Variants in TNFRSF11A observed in about 807,000 individuals in gnomAD.
The protein encoded by TNFRSF11A is tumor necrosis factor receptor superfamily member 11A.
A neutral mutation model predicts 55.7 loss-of-function variants in TNFRSF11A; 32 were observed. The ratio of observed to expected loss-of-function variants is 0.57; its 90% confidence interval spans 0.43 to 0.77. TNFRSF11A has a LOEUF of 0.77. Among genes scored for constraint, TNFRSF11A ranks in the 30% least tolerant of loss-of-function variants. TNFRSF11A has a pLI of 0.00. For missense variants in TNFRSF11A, 753 were observed against 809.8 expected (o/e 0.93, Z 0.85); for synonymous variants, 311 against 331.0 (o/e 0.94, Z 0.65).
At chr18:62,360,162 A>G (rs1909571117) in intron 6 of TNFRSF11A, 113 bp downstream of exon 6, 1 of 751,252 alleles carries the variant, frequency 1.3e-6, no homozygotes, top group Non-Finnish European at 2.4e-6. Context: ...CCTTTATTTC[A>G]TCCCGTGCAT....
In TNFRSF11A at chr18:62,349,855, A is replaced by G; in HGVS notation, c.201A>G (p.Val67=). Residue 67 remains valine, a synonymous_variant, in exon 3 of 10, where the codon GTA becomes GTG. Transcript: ENST00000586569. ...SSKCTTTSDS[V]CLPCGPDEYL... ...AATGCACTACTACCTCTGACAGTGT[A>G]TGTCTGCCCTGTGGCCCGGATGAAT... The G allele has an allele frequency of 6.2e-7, 1 of 1,614,136 alleles. No homozygotes were observed.
Position 62,385,213 on chromosome 18 carries a change from G to A in TNFRSF11A, c.*179G>A. 1.5e-6 allele frequency: 1 copy of A among 687,804 alleles called. No individual in the cohort carries two copies. The highest frequency in any genetic ancestry group is 2.2e-6 in the Non-Finnish European group (1 of 463,784). 42.6% of individuals were successfully genotyped at this position (687,804 alleles called of 1,614,324 possible). A position where few individuals can be genotyped will look rare whatever the true frequency, so the allele number is the denominator to read the frequency against. On this transcript the variant is annotated 3_prime_UTR_variant, in exon 10 of 10. Transcript: ENST00000586569. ...GGCTTTTCAGGAAGTGAATTGATGA[G>A]GACTGTCCCCATGCCCACGGATGCT...
At chr18:62,352,904 G>C (rs750837204) in intron 3 of TNFRSF11A, among the ~76,000 whole-genome samples, 3 of 152,176 alleles carry the variant, frequency 2.0e-5, no homozygotes, top group Non-Finnish European at 2.9e-5. Context: ...TGGTTTGTTG[G>C]CTTGTTTTTC....
At chr18:62,341,120 A>G (rs1169008879) in intron 1 of TNFRSF11A, among the ~76,000 whole-genome samples, 2 of 152,246 alleles carry the variant, frequency 1.3e-5, no homozygotes, top group Non-Finnish European at 2.9e-5. Flanking sequence ...CACAGATATA[A>G]TCTGGCAGCA....
intron 6 of TNFRSF11A, among the ~76,000 whole-genome samples, chr18:62,360,675 G>A (rs1909618599): frequency 1.3e-5 from 2 of 152,120 alleles, no homozygotes; most frequent in South Asian, 4.1e-4. Flanking sequence ...TCAAACTCCT[G>A]GCCCCAGGTG....
At chr18:62,360,437 T>A (rs1188590808) in intron 6 of TNFRSF11A, among the ~76,000 whole-genome samples, 1 of 144,776 alleles carries the variant, frequency 6.9e-6, no homozygotes, top group East Asian at 1.9e-4. Flanking sequence ...TAGATTAGAT[T>A]AAATTAATCT....
chr18:62,338,733 AATAG>A (rs1310939156), intron 1 of TNFRSF11A, among the ~76,000 whole-genome samples: 2 of 152,232 alleles, frequency 1.3e-5, no homozygotes, highest in African/African-American at 4.8e-5. Context: ...ATGTTCTGGA[AATAG>A]ATAGTGGCAA....
In TNFRSF11A at chr18:62,349,704, T is replaced by A. The variant is rs2046436875; in HGVS notation, c.158-108T>A. On this transcript the variant is annotated intron_variant, in intron 2 of 9. Transcript: ENST00000586569. ...GGTGTCCTGGGATCATGGGCACCAA[T>A]GATTATTGGTCCCATAGATGGGTGC... 3 of 1,293,794 alleles carry A rather than the reference T, an allele frequency of 2.3e-6. No homozygotes were observed. The East Asian group carries it at 7.1e-5, about 31-fold the overall frequency. The allele number at this position is 1,293,794 out of a possible 1,614,324, so 80.1% of individuals were successfully genotyped here.
chr18:62,384,072 C>G (rs1410899364), intron 9 of TNFRSF11A, among the ~76,000 whole-genome samples: 1 of 151,224 alleles, frequency 6.6e-6, no homozygotes, highest in Non-Finnish European at 1.5e-5. Flanking sequence ...CACACACACA[C>G]ACACACAAAT....
chr18:62,358,225 G>GTTT (rs71160827), intron 4 of TNFRSF11A, 23 bp from the exon 5 acceptor site: 216 of 1,460,506 alleles, frequency 1.5e-4, no homozygotes, highest in Admixed American at 5.4e-4. Flanking sequence ...TGTCTGGGTT[G>GTTT]TTTTTTTTTT....
At chr18:62,357,896 G>A in intron 4 of TNFRSF11A, 1 of 302,294 alleles carries the variant, frequency 3.3e-6, no homozygotes, top group Non-Finnish European at 6.5e-6. Flanking sequence ...TCCCAGACTA[G>A]GAAACAAAGT....
At chr18:62,365,838 G>A (rs1405767806) in intron 7 of TNFRSF11A, among the ~76,000 whole-genome samples, 1 of 151,628 alleles carries the variant, frequency 6.6e-6, no homozygotes, top group Non-Finnish European at 1.5e-5. Context: ...GTTTTTTTGA[G>A]ACAGAGTTTC....
At chr18:62,347,498 G>A (rs534244553) in intron 1 of TNFRSF11A, among the ~76,000 whole-genome samples, 48 of 152,362 alleles carry the variant, frequency 3.2e-4, no homozygotes, top group African/African-American at 1.0e-3. Context: ...ACCAGAGGCT[G>A]AGGAAGCTTA....
Position 62,336,411 on chromosome 18 carries a change from C to T in TNFRSF11A, c.75+10984C>T, listed in dbSNP as rs4436867. On this transcript the variant is annotated intron_variant, in intron 1 of 9. Coordinates refer to ENST00000586569, the MANE Select transcript of TNFRSF11A (RefSeq NM_003839.4). ...AGGTAAGGGGAATGCTTCCTCCTTCCGTCACTTTGGGGACTCCTGGCCTGA... is the reference window on the plus strand; with the variant it reads ...AGGTAAGGGGAATGCTTCCTCCTTCTGTCACTTTGGGGACTCCTGGCCTGA... The T allele has an allele frequency of 5.9e-5, 9 of 152,126 alleles. No homozygotes were observed. In the East Asian group the frequency reaches 1.2e-3, roughly 20 times the overall value. The allele number at this position is 152,126 out of a possible 1,614,324, so 9.4% of individuals were successfully genotyped here. A position where few individuals can be genotyped will look rare whatever the true frequency, so the allele number is the denominator to read the frequency against.
intron 4 of TNFRSF11A, among the ~76,000 whole-genome samples, chr18:62,357,048 G>A (rs1909310471): frequency 1.3e-5 from 2 of 152,136 alleles, no homozygotes; most frequent in African/African-American, 4.8e-5. Flanking sequence ...TGTCAACTGG[G>A]CTCTTCTTAA....
At chr18:62,349,057 G>A (rs1339121592) in intron 2 of TNFRSF11A, among the ~76,000 whole-genome samples, 1 of 152,186 alleles carries the variant, frequency 6.6e-6, no homozygotes, top group South Asian at 2.1e-4. Flanking sequence ...AGGCAGAGGG[G>A]AGAGGGGATG....
At position 62,371,809 on chromosome 18, in the gene TNFRSF11A, G is replaced by T. The variant is rs182308524; in HGVS notation, c.1567+2325G>T. On this transcript the variant is annotated intron_variant, in intron 9 of 9. Transcript: ENST00000586569. ...AGTTTTTTAAAAAGTCACAATTTACGTTCTATAAAATGCGTGAAAGAGGCT... is the reference window on the plus strand; with the variant it reads ...AGTTTTTTAAAAAGTCACAATTTACTTTCTATAAAATGCGTGAAAGAGGCT... Among the ~76,000 whole-genome samples, 10 of 152,246 alleles carry T rather than the reference G, an allele frequency of 6.6e-5. No homozygotes were observed. The East Asian group carries it at 1.9e-3, about 29-fold the overall frequency.
At chr18:62,355,578 A>G (rs8088891) in intron 4 of TNFRSF11A, among the ~76,000 whole-genome samples, 104,703 of 152,120 alleles carry the variant, frequency 0.69, 36,253 homozygotes, top group African/African-American at 0.71. Flanking sequence ...CACCACACCT[A>G]GTCAAAATCT....
Position 62,369,494 on chromosome 18 carries a change from T to C in TNFRSF11A, c.1567+10T>C, listed in dbSNP as rs775311591. On this transcript the variant is annotated intron_variant, in intron 9 of 9. Transcript: ENST00000586569. ...CAGTCCCCTGCATCTGGTAAGTGAC[T>C]TCCCAGTCTCTCACTTCTGAGCAGA... is the stretch of plus-strand genomic sequence containing the variant. 1 of 1,603,354 alleles carries C rather than the reference T, an allele frequency of 6.2e-7. No homozygotes were observed. Among genetic ancestry groups the C allele is most frequent in the South Asian group, 1.1e-5 (1 of 91,032 alleles).
Sources: gnomAD v4.1 joint callset for allele counts (sites outside exome capture counted in the v4.1 genomes callset) on GRCh38, gnomAD v4.1.1 for gene constraint, MANE v1.5 for transcripts, NCBI Gene and HGNC (gene_info 2026-07-23, HGNC 2026-07-21) for gene names.